The following GRIN2A variants were observed in gnomAD, a reference collection of about 807,000 sequenced individuals.
The protein encoded by GRIN2A is glutamate ionotropic receptor NMDA type subunit 2A.
In GRIN2A, 22 loss-of-function variants were observed where a neutral mutation model predicts 113.4. The ratio of observed to expected loss-of-function variants is 0.19; its 90% CI spans 0.14 to 0.28. GRIN2A has a LOEUF of 0.28. GRIN2A is among the 10% of genes least tolerant of loss of function. GRIN2A has a pLI of 1.00. For missense variants in GRIN2A, 1,502 were observed against 1,887.0 expected (o/e 0.80, Z 3.78); for synonymous variants, 827 against 738.4 (o/e 1.12, Z -1.94).
intron 3 of GRIN2A, among the ~76,000 whole-genome samples, chr16:9,910,018 A>G (rs79796373): frequency 0.016 from 2,488 of 152,322 alleles, 38 homozygotes; most frequent in Non-Finnish European, 0.028. Flanking sequence ...TTCAAGGTTC[A>G]TCAATGTTGG....
intron 2 of GRIN2A, among the ~76,000 whole-genome samples, chr16:9,947,717 G>A (rs2045053527): frequency 6.6e-6 from 1 of 152,090 alleles, no homozygotes; most frequent in South Asian, 2.1e-4. Flanking sequence ...TCAAATTTCA[G>A]CTCTTTCTCT....
intron 2 of GRIN2A, among the ~76,000 whole-genome samples, chr16:9,948,977 T>A (rs1262990609): frequency 6.6e-6 from 1 of 152,164 alleles, no homozygotes; most frequent in East Asian, 1.9e-4. Flanking sequence ...TCTAATTACC[T>A]GGAGGGGAGC....
At chr16:9,923,022 C>A (rs940390242) in intron 3 of GRIN2A, among the ~76,000 whole-genome samples, 1 of 152,060 alleles carries the variant, frequency 6.6e-6, no homozygotes, top group Non-Finnish European at 1.5e-5. Flanking sequence ...TTGTTAAAAT[C>A]ATCTGTATCT....
At chr16:9,810,145 G>A (rs2042059186) in intron 10 of GRIN2A, among the ~76,000 whole-genome samples, 1 of 152,164 alleles carries the variant, frequency 6.6e-6, no homozygotes, top group African/African-American at 2.4e-5. Flanking sequence ...GGGAAGGTAT[G>A]GGAAATTGGC....
chr16:9,796,072 G>A (rs1902963426), intron 11 of GRIN2A, among the ~76,000 whole-genome samples: 1 of 152,140 alleles, frequency 6.6e-6, no homozygotes, highest in African/African-American at 2.4e-5. Flanking sequence ...ATTACATTGA[G>A]GAACGTATGT....
At chr16:9,786,819 TA>T (rs1196282915) in intron 11 of GRIN2A, among the ~76,000 whole-genome samples, 1 of 152,196 alleles carries the variant, frequency 6.6e-6, no homozygotes, top group Non-Finnish European at 1.5e-5. Context: ...TAGGAATGAA[TA>T]ATTATAACTC....
intron 2 of GRIN2A, among the ~76,000 whole-genome samples, chr16:9,946,914 C>T (rs1260943003): frequency 6.6e-6 from 1 of 152,192 alleles, no homozygotes; most frequent in Non-Finnish European, 1.5e-5. Context: ...CAAGCCACAC[C>T]TGAAGACAAA....
chr16:9,948,242 A>G (rs569270598), intron 2 of GRIN2A, among the ~76,000 whole-genome samples: 1 of 152,322 alleles, frequency 6.6e-6, no homozygotes, highest in Admixed American at 6.5e-5. Flanking sequence ...TGTTTCAGGG[A>G]ATATTTCTAT....
At chr16:9,818,598 C>T (rs2042227268) in intron 10 of GRIN2A, among the ~76,000 whole-genome samples, 1 of 151,334 alleles carries the variant, frequency 6.6e-6, no homozygotes, top group Non-Finnish European at 1.5e-5. Flanking sequence ...AAGAAAAAGA[C>T]CAACAAACCA....
At chr16:9,956,444 C>A (rs2045312592) in intron 2 of GRIN2A, among the ~76,000 whole-genome samples, 1 of 152,130 alleles carries the variant, frequency 6.6e-6, no homozygotes, top group Admixed American at 6.5e-5. Flanking sequence ...ACAGGAATGA[C>A]AAATAGTATG....
chr16:10,133,312 T>A (rs930200755), intron 2 of GRIN2A, among the ~76,000 whole-genome samples: 3 of 152,226 alleles, frequency 2.0e-5, no homozygotes, highest in Admixed American at 6.5e-5. Context: ...AAAATTTTCA[T>A]CAAAATCTCA....
At chr16:10,033,195 T>C (rs1189079613) in intron 2 of GRIN2A, among the ~76,000 whole-genome samples, 1 of 152,220 alleles carries the variant, frequency 6.6e-6, no homozygotes, top group African/African-American at 2.4e-5. Context: ...TTGTACCACA[T>C]GGAACTCTGC....
chr16:9,864,234 G>A (rs2043122763), intron 4 of GRIN2A, among the ~76,000 whole-genome samples: 1 of 152,140 alleles, frequency 6.6e-6, no homozygotes, highest in South Asian at 2.1e-4. Flanking sequence ...GTATTTACCT[G>A]AATGATATTA....
chr16:9,871,611 T>C (rs1246340887), intron 4 of GRIN2A, among the ~76,000 whole-genome samples: 1 of 152,208 alleles, frequency 6.6e-6, no homozygotes, highest in African/African-American at 2.4e-5. Flanking sequence ...CTCTGAGCTA[T>C]GAAGTGGCTG....
At chr16:10,153,744 A>C (rs1183143968) in intron 2 of GRIN2A, among the ~76,000 whole-genome samples, 4 of 152,136 alleles carry the variant, frequency 2.6e-5, no homozygotes, top group Non-Finnish European at 1.5e-5. Flanking sequence ...CACTCTTACA[A>C]ATGAACACTC....
At chr16:9,867,520 C>A (rs539960354) in intron 4 of GRIN2A, among the ~76,000 whole-genome samples, 1 of 152,196 alleles carries the variant, frequency 6.6e-6, no homozygotes, top group Non-Finnish European at 1.5e-5. Flanking sequence ...TAACACGCAT[C>A]CCAGCCCTTG....
In GRIN2A at chr16:9,761,179, G is replaced by C; in HGVS notation, c.*1970C>G. ...AACCACTTTTCATTATAGGAACACT[G>C]TAGGTCAGGTGTACTTTCCCAAAGA... On this transcript the variant is annotated 3_prime_UTR_variant, in exon 13 of 13. Coordinates refer to ENST00000330684, the MANE Select transcript of GRIN2A (RefSeq NM_001134407.3). 4.3e-6 allele frequency: 1 copy of C among 232,172 alleles called. No individual in the cohort carries two copies. The highest frequency in any genetic ancestry group is 6.1e-5 in the East Asian group (1 of 16,474). 14.4% of individuals were successfully genotyped at this position (232,172 alleles called of 1,614,324 possible).
chr16:10,055,588 G>C (rs2047445529), intron 2 of GRIN2A, among the ~76,000 whole-genome samples: 1 of 152,190 alleles, frequency 6.6e-6, no homozygotes, highest in Non-Finnish European at 1.5e-5. Context: ...CTGATGAAGT[G>C]AATCCATCTG....
intron 2 of GRIN2A, among the ~76,000 whole-genome samples, chr16:9,951,799 G>C (rs2045190730): frequency 6.6e-6 from 1 of 152,170 alleles, no homozygotes; most frequent in African/African-American, 2.4e-5. Context: ...TTGTGTTCAT[G>C]CTGAGCCCCA....
Sources: gnomAD v4.1 joint callset for allele counts (sites outside exome capture counted in the v4.1 genomes callset) on GRCh38, gnomAD v4.1.1 for gene constraint, MANE v1.5 for transcripts, NCBI Gene and HGNC (gene_info 2026-07-23, HGNC 2026-07-21) for gene names.